SULF2: variants seen among roughly 807,000 people sequenced by gnomAD.
SULF2 encodes the protein extracellular sulfatase Sulf-2.
A neutral mutation model predicts 107.7 loss-of-function variants in SULF2; 52 were observed. The ratio of observed to expected loss-of-function variants is 0.48; its 90% CI spans 0.39 to 0.61. The LOEUF is 0.61. Ranked by LOEUF, SULF2 falls within the 20% of genes least tolerant of loss-of-function variation. The pLI is 0.00. For synonymous variants in SULF2, 460 were observed against 464.3 expected, an observed-to-expected ratio of 0.99 and a Z score of 0.12; for missense variants, 993 against 1,177.3, an observed-to-expected ratio of 0.84 and a Z score of 2.29.
chr20:47,771,845 C>A (rs188223538), intron 1 of SULF2, among the ~76,000 whole-genome samples: 12 of 152,154 alleles, frequency 7.9e-5, no homozygotes, highest in Non-Finnish European at 1.6e-4. Context: ...CCCAACCTGC[C>A]GGAACTCCGC....
chr20:47,736,721 T>C lies in SULF2; in HGVS notation c.397A>G (p.Ser133Gly). ...ESRTFAVYLN[S>G]TGYRTAFFGK... ...TGCTCACCTGTCCGGTAGCCAGTGCTATTGAGGTACACGGCAAAGGTGCGG... is the reference window on the plus strand; with the variant it reads ...TGCTCACCTGTCCGGTAGCCAGTGCCATTGAGGTACACGGCAAAGGTGCGG... Residue 133 changes from serine to glycine, a missense_variant, in exon 3 of 21, where the codon AGC becomes GGC. Ser to Gly is a moderately conservative substitution (Grantham distance 56). Coordinates refer to ENST00000688720, the MANE Select transcript of SULF2 (RefSeq NM_001387048.1). The C allele has an allele frequency of 6.2e-7, 1 of 1,614,198 alleles. No individual in the cohort carries two copies. Among genetic ancestry groups the C allele is most frequent in the Non-Finnish European group, 8.5e-7 (1 of 1,180,042 alleles).
At chr20:47,662,774 G>A (rs905528184) in intron 17 of SULF2, among the ~76,000 whole-genome samples, 8 of 151,886 alleles carry the variant, frequency 5.3e-5, no homozygotes, top group Admixed American at 2.0e-4. Context: ...ACAGTGTTAG[G>A]AGTCTTCACA....
chr20:47,759,686 C>T (rs535352872), intron 1 of SULF2, among the ~76,000 whole-genome samples: 7 of 152,026 alleles, frequency 4.6e-5, no homozygotes, highest in African/African-American at 1.5e-4. Flanking sequence ...AGTGAGACTC[C>T]GTCTCAAAAA....
Position 47,678,435 on chromosome 20 carries a change from ATT to A in SULF2, c.1193+239_1193+240del. On this transcript the variant is annotated intron_variant, in intron 8 of 20. Transcript: ENST00000688720. This position sits in a 1 kb window ranked among gnomAD's most constrained non-coding sequence, Gnocchi z 4.5. The stretch of plus-strand genomic sequence containing the variant: ...CTGCTATCATTTCAAGCTTTGGGTA[ATT>A]TTAGCTCAGAGAAGGTCCCCAACTG... 1.9e-6 allele frequency: 1 copy of A among 519,230 alleles called. No individual in the cohort carries two copies. Among genetic ancestry groups the A allele is most frequent in the Non-Finnish European group, 3.5e-6 (1 of 285,574 alleles). The allele number at this position is 519,230 out of a possible 1,614,324, so 32.2% of individuals were successfully genotyped here.
intron 7 of SULF2, among the ~76,000 whole-genome samples, chr20:47,681,007 A>T (rs1301967394): frequency 6.6e-6 from 1 of 152,200 alleles, no homozygotes; most frequent in Non-Finnish European, 1.5e-5. Context: ...ACGTGACCTA[A>T]GTCAGGCCAG....
intron 3 of SULF2, among the ~76,000 whole-genome samples, 192 bp from the exon 4 acceptor site, chr20:47,702,862 A>G (rs538996429): frequency 6.6e-6 from 1 of 152,358 alleles, no homozygotes; most frequent in Non-Finnish European, 1.5e-5. Context: ...GAGAAAATCA[A>G]TTGTTTGGAA....
At chr20:47,684,642 C>G in intron 5 of SULF2, 61 bp from the exon 6 acceptor site, 1 of 1,550,902 alleles carries the variant, frequency 6.4e-7, no homozygotes, top group Non-Finnish European at 8.8e-7. Context: ...CTGCCTGGCC[C>G]CCGCCAGACC....
intron 11 of SULF2, among the ~76,000 whole-genome samples, chr20:47,670,965 C>T (rs897638058): frequency 6.6e-6 from 1 of 152,052 alleles, no homozygotes; most frequent in African/African-American, 2.4e-5. Context: ...GGGAAGCTGC[C>T]CAGCCTTGGA....
At chr20:47,749,838 G>A (rs537455256) in intron 2 of SULF2, among the ~76,000 whole-genome samples, 2 of 152,262 alleles carry the variant, frequency 1.3e-5, no homozygotes, top group East Asian at 1.9e-4. Context: ...GTTTGTATAC[G>A]ATCCCCACCG....
At position 47,672,196 on chromosome 20, in the gene SULF2, A is replaced by G; in HGVS notation, c.1576+2T>C. Reference sequence around the variant, plus strand: ...CCCACTCAGCCAGGTTGTGACACTTACTCTTCTTGAAGAGTTTTTTCCGGC... The same window carrying G: ...CCCACTCAGCCAGGTTGTGACACTTGCTCTTCTTGAAGAGTTTTTTCCGGC... On this transcript the variant is annotated splice_donor_variant, in intron 11 of 20. Coordinates refer to ENST00000688720, the MANE Select transcript of SULF2 (RefSeq NM_001387048.1). LOFTEE classifies it high-confidence loss of function. 5.6e-6 allele frequency: 9 copies of G among 1,602,574 alleles called. No homozygotes were observed. Among genetic ancestry groups the G allele is most frequent in the Non-Finnish European group, 7.7e-6 (9 of 1,171,944 alleles).
intron 2 of SULF2, among the ~76,000 whole-genome samples, chr20:47,739,926 T>G (rs2089837725): frequency 6.6e-6 from 1 of 152,222 alleles, no homozygotes; most frequent in African/African-American, 2.4e-5. Context: ...ACAGGATATG[T>G]GCTCTCCAGT....
intron 3 of SULF2, among the ~76,000 whole-genome samples, chr20:47,728,807 AGC>A (rs1233514800): frequency 6.6e-6 from 1 of 152,060 alleles, no homozygotes; most frequent in Non-Finnish European, 1.5e-5. Flanking sequence ...CACCACATCC[AGC>A]TAATTTTTGT....
At position 47,748,550 on chromosome 20, in the gene SULF2, G is replaced by T. The variant is rs111763533; in HGVS notation, c.175+8639C>A. 1.8e-3 allele frequency among the ~76,000 whole-genome samples: 278 copies of T among 152,318 alleles called. 1 individual carries two copies. Among genetic ancestry groups the T allele is most frequent in the Admixed American group, 2.0e-3 (31 of 15,306 alleles). ...CAGATTCCCTTATGGCCAAAGATGT[G>T]CCAGGAGCCTGCCTGCCGCCTTCCA... On this transcript the variant is annotated intron_variant, in intron 2 of 20. Transcript: ENST00000688720.
rs752844629 is a variant in SULF2 at position 47,683,109 on chromosome 20, C to T, written c.949G>A (p.Asp317Asn). The T allele has an allele frequency of 3.1e-6, 5 of 1,613,470 alleles. No individual in the cohort carries two copies. Among genetic ancestry groups the T allele is most frequent in the East Asian group, 2.2e-5 (1 of 44,890 alleles). ...LDNTYIVYTA[D>N]HGYHIGQFGL... ...AACTGGCCGATGTGGTAACCGTGGT[C>T]GGCGGTGTATACGATGTACGTGTTG... The change falls in exon 7 of 21, where the codon GAC becomes AAC. Residue 317 changes from aspartate (D) to asparagine (N), a missense_variant. By Grantham distance (23) the Asp-to-Asn change is conservative. Around this residue, in one of 3 missense-constraint regions of SULF2, gnomAD observed 108 missense variants for 183.9 expected, o/e 0.59. Coordinates refer to ENST00000688720, the MANE Select transcript of SULF2 (RefSeq NM_001387048.1).
At position 47,785,059 on chromosome 20, in the gene SULF2, C is replaced by T. The variant is rs1230032536; in HGVS notation, c.-101+284G>A. The stretch of plus-strand genomic sequence containing the variant: ...GCCGCCTGTGCTCGGTGTGCCGTGT[C>T]CGCGGGTCAGGGGCGCGGCGGGAAG... On this transcript the variant is annotated intron_variant, in intron 1 of 20. Transcript: ENST00000688720. Among the ~76,000 whole-genome samples the T allele has an allele frequency of 2.1e-4, 32 of 152,194 alleles. 1 individual carries two copies. The highest frequency in any genetic ancestry group is 2.9e-5 in the Non-Finnish European group (2 of 67,978).
At chr20:47,659,134 T>G (rs1336557646) in intron 20 of SULF2, among the ~76,000 whole-genome samples, 1 of 152,232 alleles carries the variant, frequency 6.6e-6, no homozygotes, top group Admixed American at 6.5e-5. Context: ...ATTTAAATGC[T>G]TCTCAACCTC....
intron 10 of SULF2, among the ~76,000 whole-genome samples, chr20:47,674,504 T>C (rs921073953): frequency 3.9e-5 from 6 of 152,154 alleles, no homozygotes; most frequent in Non-Finnish European, 8.8e-5. Context: ...GTGATGATCA[T>C]CATTACGAGG....
rs1285272168 is a variant in SULF2, at chr20:47,666,402, C to T, written c.1663G>A (p.Asp555Asn). Residue 555 changes from aspartate (D) to asparagine (N), a missense_variant, in exon 12 of 21, where the codon GAT becomes AAT. Asp to Asn is a conservative substitution (Grantham distance 23). Around this residue, in one of 3 missense-constraint regions of SULF2, gnomAD observed 497 missense variants for 544.1 expected, o/e 0.91. Transcript: ENST00000688720. This position sits in a 1 kb window ranked among gnomAD's most constrained non-coding sequence, Gnocchi z 5.4. ...DGRVYHVGLG[D>N]AAQPRNLTKR... is the part of the protein sequence containing the mutation. Reference sequence around the variant, plus strand: ...GTGAGGTTTCGGGGCTGGGCGGCATCACCCAGGCCTACGTGGTACACCCTG... The same window carrying T: ...GTGAGGTTTCGGGGCTGGGCGGCATTACCCAGGCCTACGTGGTACACCCTG... The T allele has an allele frequency of 1.2e-6, 2 of 1,614,008 alleles. No individual in the cohort carries two copies. Among genetic ancestry groups the T allele is most frequent in the South Asian group, 2.2e-5 (2 of 91,078 alleles).
intron 2 of SULF2, among the ~76,000 whole-genome samples, chr20:47,751,167 A>G (rs571424831): frequency 4.6e-4 from 70 of 152,350 alleles, no homozygotes; most frequent in African/African-American, 1.5e-3. Context: ...TGCCGAATGA[A>G]TAAGTCTGGT....
Sources: allele counts gnomAD v4.1 joint callset (sites outside exome capture counted in the v4.1 genomes callset), GRCh38; gene constraint gnomAD v4.1.1; regional missense constraint gnomAD v4.1.1; non-coding constraint Gnocchi (gnomAD v3.1); transcripts MANE v1.5; gene names NCBI Gene and HGNC (gene_info 2026-07-23, HGNC 2026-07-21).